The following ANTXR2 variants were observed in gnomAD, a reference collection of about 807,000 sequenced individuals.
The protein encoded by ANTXR2 is anthrax toxin receptor 2.
A neutral mutation model predicts 73.7 loss-of-function variants in ANTXR2; 44 were observed. The observed-to-expected ratio is 0.60, with a 90% CI of 0.47 to 0.77. ANTXR2 has a LOEUF of 0.77. Ranked by LOEUF, ANTXR2 falls within the 30% of genes least tolerant of loss-of-function variation. The pLI is 0.00. For missense variants in ANTXR2, 604 were observed against 592.5 expected (o/e 1.02, Z -0.20); for synonymous variants, 217 against 205.9 (o/e 1.05, Z -0.46).
chr4:80,058,989 C>T (rs1734126220), intron 3 of ANTXR2, among the ~76,000 whole-genome samples: 1 of 152,092 alleles, frequency 6.6e-6, no homozygotes, highest in Non-Finnish European at 1.5e-5. Context: ...CTTTTCTGCA[C>T]TTGACAACCA....
intron 16 of ANTXR2, among the ~76,000 whole-genome samples, chr4:79,943,835 C>G (rs1451637293): frequency 6.6e-6 from 1 of 151,878 alleles, no homozygotes; most frequent in Admixed American, 6.6e-5. Context: ...ACTGCTTTAT[C>G]TAGTTTTTAA....
intron 16 of ANTXR2, among the ~76,000 whole-genome samples, chr4:79,957,977 T>C (rs934923157): frequency 2.6e-5 from 4 of 152,100 alleles, no homozygotes; most frequent in Non-Finnish European, 5.9e-5. Flanking sequence ...AAACATAATT[T>C]ATAGTTTATT....
rs11557908 is a variant in ANTXR2 at position 80,072,879 on chromosome 4, G to C, written c.-319C>G. ...CAATGCGGGCCCACGGCGACAGCTC[G>C]CGAAAGGAGTTCCTCTCCGGCCTGG... On this transcript the variant is annotated 5_prime_UTR_variant, in exon 1 of 17. Transcript: ENST00000403729. The C allele has an allele frequency of 0.16, 60,279 of 375,146 alleles. 5,521 individuals are homozygous for C. The highest frequency in any genetic ancestry group is 0.33 in the South Asian group (3,051 of 9,214). 23.2% of individuals were successfully genotyped at this position (375,146 alleles called of 1,614,324 possible). A position where few individuals can be genotyped will look rare whatever the true frequency, so the allele number is the denominator to read the frequency against.
chr4:80,010,097 G>T (rs1731500184), intron 11 of ANTXR2, among the ~76,000 whole-genome samples: 1 of 151,222 alleles, frequency 6.6e-6, no homozygotes. Flanking sequence ...AAGAGCAAAA[G>T]AGAAAGAAGA....
At chr4:79,998,153 A>T (rs1257724502) in intron 12 of ANTXR2, among the ~76,000 whole-genome samples, 1 of 151,982 alleles carries the variant, frequency 6.6e-6, no homozygotes, top group Non-Finnish European at 1.5e-5. Flanking sequence ...GATTCTATAG[A>T]GTTCCAGCTA....
At chr4:79,991,329 G>C (rs1486529293) in intron 12 of ANTXR2, among the ~76,000 whole-genome samples, 1 of 151,886 alleles carries the variant, frequency 6.6e-6, no homozygotes, top group Non-Finnish European at 1.5e-5. Flanking sequence ...CATATACAAG[G>C]CCAACAAGCT....
intron 3 of ANTXR2, among the ~76,000 whole-genome samples, chr4:80,058,169 T>C (rs951096075): frequency 2.6e-5 from 4 of 152,216 alleles, no homozygotes; most frequent in Middle Eastern, 3.4e-3. Flanking sequence ...CAGCTCACCA[T>C]TGCTGCTGAG....
Position 80,072,583 on chromosome 4 carries a change from T to A in ANTXR2, c.-23A>T, listed in dbSNP as rs757751553. ...CATCCTGCGGCCGGGGGCCTGAGAC[T>A]CCCTCCCGCTCGCAGTCCCCTAAGC... On this transcript the variant is annotated 5_prime_UTR_variant, in exon 1 of 17. Coordinates refer to ENST00000403729, the MANE Select transcript of ANTXR2 (RefSeq NM_058172.6). 6 of 1,491,782 alleles carry A rather than the reference T, an allele frequency of 4.0e-6. No homozygotes were observed. In the South Asian group the frequency reaches 7.9e-5, roughly 20 times the overall value. The allele number at this position is 1,491,782 out of a possible 1,614,324, so 92.4% of individuals were successfully genotyped here.
At chr4:80,036,734 G>A (rs913840882) in intron 7 of ANTXR2, among the ~76,000 whole-genome samples, 1 of 152,050 alleles carries the variant, frequency 6.6e-6, no homozygotes, top group African/African-American at 2.4e-5. Context: ...ACAGCAATGA[G>A]CCAAGGTCAT....
At chr4:80,062,632 C>A (rs1734316153) in intron 3 of ANTXR2, among the ~76,000 whole-genome samples, 1 of 152,122 alleles carries the variant, frequency 6.6e-6, no homozygotes, top group African/African-American at 2.4e-5. Context: ...TTAGCTAACC[C>A]AACTATTGTC....
At chr4:79,922,117 T>C (rs1268895997) in intron 16 of ANTXR2, among the ~76,000 whole-genome samples, 1 of 152,070 alleles carries the variant, frequency 6.6e-6, no homozygotes, top group Non-Finnish European at 1.5e-5. Flanking sequence ...GCTAAACTTA[T>C]ACCATGGAGA....
intron 12 of ANTXR2, 69 bp downstream of exon 12, chr4:80,008,452 C>T (rs1057159870): frequency 1.6e-6 from 2 of 1,230,022 alleles, no homozygotes; most frequent in African/African-American, 1.6e-5. Flanking sequence ...GGCATTTATT[C>T]ATATTTCAGA....
intron 16 of ANTXR2, among the ~76,000 whole-genome samples, chr4:79,928,825 T>C (rs937358676): frequency 1.3e-5 from 2 of 152,176 alleles, no homozygotes; most frequent in Admixed American, 6.5e-5. Flanking sequence ...AATTAGGGCA[T>C]GTACAAAGAA....
At chr4:80,041,404 C>A (rs1274005960) in intron 7 of ANTXR2, among the ~76,000 whole-genome samples, 1 of 152,016 alleles carries the variant, frequency 6.6e-6, no homozygotes, top group Admixed American at 6.6e-5. Flanking sequence ...GAAAGTATAT[C>A]ACTAAGCTTT....
At chr4:79,984,030 G>A (rs1399633273) in intron 13 of ANTXR2, 60 bp from the exon 14 acceptor site, 1 of 1,175,278 alleles carries the variant, frequency 8.5e-7, no homozygotes, top group Admixed American at 2.7e-5. Flanking sequence ...TGTTTAGTCG[G>A]AACTGGCTCA....
chr4:79,995,616 A>T (rs1386731645), intron 12 of ANTXR2, among the ~76,000 whole-genome samples: 1 of 151,902 alleles, frequency 6.6e-6, no homozygotes, highest in East Asian at 1.9e-4. Flanking sequence ...CAATGTTTCC[A>T]CCAGGTTTTT....
chr4:79,987,008 C>G (rs1730196801), intron 12 of ANTXR2, among the ~76,000 whole-genome samples: 1 of 152,114 alleles, frequency 6.6e-6, no homozygotes, highest in Non-Finnish European at 1.5e-5. Context: ...CAAAGGACAG[C>G]AATGTCAAAA....
chr4:79,924,647 A>G (rs1385111125), intron 16 of ANTXR2, among the ~76,000 whole-genome samples: 2 of 152,180 alleles, frequency 1.3e-5, no homozygotes, highest in Non-Finnish European at 2.9e-5. Context: ...TAGTAACTCC[A>G]TGGCAGGACT....
intron 12 of ANTXR2, among the ~76,000 whole-genome samples, chr4:79,994,763 A>G (rs928359997): frequency 2.6e-5 from 4 of 151,968 alleles, no homozygotes; most frequent in Non-Finnish European, 5.9e-5. Context: ...ACATAGTACC[A>G]TGGGAGGCAT....
Sources: allele counts gnomAD v4.1 joint callset (sites outside exome capture counted in the v4.1 genomes callset), GRCh38; gene constraint gnomAD v4.1.1; transcripts MANE v1.5; gene names NCBI Gene and HGNC (gene_info 2026-07-23, HGNC 2026-07-21).